NXPE2: variants seen among roughly 807,000 people sequenced by gnomAD.
NXPE2 encodes neurexophilin and PC-esterase domain family member 2, also known as NXPE family member 2.
A neutral mutation model predicts 34.4 loss-of-function variants in NXPE2; 34 were observed. The ratio of observed to expected loss-of-function variants is 0.99; its 90% confidence interval spans 0.75 to 1.31. The LOEUF (loss-of-function observed/expected upper bound fraction) is 1.31, where lower values mean the gene tolerates loss of function less well. Among genes scored for constraint, NXPE2 ranks in the 40% most tolerant of loss-of-function variants. The pLI is 0.00. For synonymous variants in NXPE2, 235 were observed against 231.3 expected (o/e 1.02, Z -0.15); for missense variants, 649 against 672.5 (o/e 0.97, Z 0.39).
downstream of NXPE2, among the ~76,000 whole-genome samples, chr11:114,710,128 A>G (rs893122276): frequency 6.6e-6 from 1 of 152,146 alleles, no homozygotes; most frequent in African/African-American, 2.4e-5. Context: ...ATAGCAATAA[A>G]TGCTTACATG....
the NXPE2 span, among the ~76,000 whole-genome samples, chr11:114,538,050 A>G: frequency 6.6e-6 from 1 of 152,242 alleles, no homozygotes; most frequent in Non-Finnish European, 1.5e-5. Context: ...TACAGTAACC[A>G]AAACAGCATG....
chr11:114,537,534 A>G, the NXPE2 span, among the ~76,000 whole-genome samples: 1 of 152,198 alleles, frequency 6.6e-6, no homozygotes, highest in Non-Finnish European at 1.5e-5. Flanking sequence ...AGAAAACCCC[A>G]TTGTCTCAGC....
chr11:114,629,423 A>T, the NXPE2 span, among the ~76,000 whole-genome samples: 1 of 151,876 alleles, frequency 6.6e-6, no homozygotes, highest in Non-Finnish European at 1.5e-5. Context: ...CAAAAACCAC[A>T]TGATTATCTC....
the NXPE2 span, among the ~76,000 whole-genome samples, chr11:114,634,679 T>A: frequency 6.6e-6 from 1 of 152,110 alleles, no homozygotes; most frequent in African/African-American, 2.4e-5. Flanking sequence ...GCTTTCTACA[T>A]ATCGCTAGTT....
chr11:114,509,006 C>T, the NXPE2 span, among the ~76,000 whole-genome samples: 10 of 152,112 alleles, frequency 6.6e-5, no homozygotes, highest in East Asian at 3.9e-4. Flanking sequence ...GCAAACGATG[C>T]GTCTGACAAA....
At chr11:114,711,506 A>T (rs185985658), downstream of NXPE2, among the ~76,000 whole-genome samples, 1 of 152,308 alleles carries the variant, frequency 6.6e-6, no homozygotes, top group Non-Finnish European at 1.5e-5. Context: ...TTAAGAAAAC[A>T]ATCCCATTTC....
chr11:114,582,961 AG>A, the NXPE2 span: 1 of 1,614,126 alleles, frequency 6.2e-7, no homozygotes, highest in Non-Finnish European at 8.5e-7. Flanking sequence ...TTAGGGAATA[AG>A]GACTTTGTGG....
chr11:114,540,553 A>C, the NXPE2 span, among the ~76,000 whole-genome samples: 1 of 152,166 alleles, frequency 6.6e-6, no homozygotes, highest in Non-Finnish European at 1.5e-5. Flanking sequence ...GAGGAAGGAG[A>C]GTATGGATGG....
chr11:114,532,367 A>G, the NXPE2 span, among the ~76,000 whole-genome samples: 1 of 152,204 alleles, frequency 6.6e-6, no homozygotes, highest in African/African-American at 2.4e-5. Context: ...TCTCTGGAAA[A>G]TATATATCTG....
At chr11:114,625,955 G>A in the NXPE2 span, among the ~76,000 whole-genome samples, 3 of 152,064 alleles carry the variant, frequency 2.0e-5, no homozygotes, top group African/African-American at 7.3e-5. Flanking sequence ...CCCGAATACT[G>A]CACTTTTCCG....
At chr11:114,812,656 G>A in the NXPE2 span, among the ~76,000 whole-genome samples, 3 of 152,178 alleles carry the variant, frequency 2.0e-5, no homozygotes, top group South Asian at 4.1e-4. Flanking sequence ...GTACCCTTGA[G>A]AGAATCACCT....
chr11:114,634,131 CCTGA>C, the NXPE2 span, among the ~76,000 whole-genome samples: 1 of 151,460 alleles, frequency 6.6e-6, no homozygotes, highest in African/African-American at 2.4e-5. Context: ...CCTGTTGTTT[CCTGA>C]CTTTTTAATG....
chr11:114,613,535 C>T, the NXPE2 span, among the ~76,000 whole-genome samples: 1 of 151,782 alleles, frequency 6.6e-6, no homozygotes, highest in Non-Finnish European at 1.5e-5. Flanking sequence ...TGGGTAATCA[C>T]TGTTACCTGC....
chr11:114,714,403 T>TA, the NXPE2 span, among the ~76,000 whole-genome samples: 12 of 152,010 alleles, frequency 7.9e-5, no homozygotes, highest in African/African-American at 2.7e-4. Flanking sequence ...AAGTCTTTGA[T>TA]GGCTTTAGTC....
downstream of NXPE2, among the ~76,000 whole-genome samples, chr11:114,711,389 CA>C (rs1268458181): frequency 1.3e-5 from 2 of 152,058 alleles, no homozygotes; most frequent in Non-Finnish European, 2.9e-5. Flanking sequence ...AGATTCTGCA[CA>C]GAAACTATTA....
the NXPE2 span, among the ~76,000 whole-genome samples, chr11:114,743,767 C>G: frequency 6.6e-6 from 1 of 150,996 alleles, no homozygotes; most frequent in African/African-American, 2.4e-5. Flanking sequence ...AATAAACTTT[C>G]TTTAGTGAGC....
At chr11:114,582,112 G>C in the NXPE2 span, among the ~76,000 whole-genome samples, 2 of 152,024 alleles carry the variant, frequency 1.3e-5, no homozygotes, top group African/African-American at 4.8e-5. Context: ...TGTTCAAAAA[G>C]TTTGTGGATT....
the NXPE2 span, among the ~76,000 whole-genome samples, chr11:114,754,433 GA>G: frequency 6.6e-6 from 1 of 152,174 alleles, no homozygotes; most frequent in Admixed American, 6.5e-5. Flanking sequence ...CACAATTTTA[GA>G]GGCTAAATGA....
the NXPE2 span, among the ~76,000 whole-genome samples, chr11:114,656,734 A>C: frequency 6.6e-6 from 1 of 152,168 alleles, no homozygotes. Flanking sequence ...TATATGAAAA[A>C]TATTTGTAAT....
Sources: gnomAD v4.1 joint callset for allele counts (sites outside exome capture counted in the v4.1 genomes callset) on GRCh38, gnomAD v4.1.1 for gene constraint, MANE v1.5 for transcripts, NCBI Gene and HGNC (gene_info 2026-07-23, HGNC 2026-07-21) for gene names.